FAM110B: variants seen among roughly 807,000 people sequenced by gnomAD.
The protein encoded by FAM110B is protein FAM110B.
Under a neutral mutation model 20.4 loss-of-function variants are expected in FAM110B, and 6 were observed. The observed-to-expected ratio is 0.29, with a 90% CI of 0.16 to 0.58. The LOEUF (loss-of-function observed/expected upper bound fraction) is 0.58. Among genes scored for constraint, FAM110B ranks in the 20% least tolerant of loss-of-function variants. The pLI, the probability that FAM110B is intolerant of heterozygous loss-of-function variation, is 0.90. For synonymous variants in FAM110B, 226 were observed against 214.1 expected, an observed-to-expected ratio of 1.06 and a Z score of -0.49; for missense variants, 434 against 498.2, an observed-to-expected ratio of 0.87 and a Z score of 1.23.
chr8:58,017,893 CAGGACT>C (rs963797122), intron 1 of FAM110B, among the ~76,000 whole-genome samples: 37 of 152,180 alleles, frequency 2.4e-4, no homozygotes, highest in African/African-American at 7.5e-4. Flanking sequence ...TGAGATTCCC[CAGGACT>C]AGAGAAAAAC....
intron 3 of FAM110B, among the ~76,000 whole-genome samples, chr8:58,121,220 A>T (rs1807353619): frequency 6.6e-6 from 1 of 152,160 alleles, no homozygotes; most frequent in South Asian, 2.1e-4. Context: ...AGGCCCATTG[A>T]TCTCTGTTGT....
intron 3 of FAM110B, among the ~76,000 whole-genome samples, chr8:58,109,096 G>A (rs1464265487): frequency 1.3e-5 from 2 of 152,162 alleles, no homozygotes; most frequent in Non-Finnish European, 2.9e-5. Context: ...GTCGCACATT[G>A]TGTCAGTCTG....
At position 58,053,061 on chromosome 8, in the gene FAM110B, A is replaced by G. The variant is rs954390225; in HGVS notation, c.-414+21358A>G. 5.9e-5 allele frequency among the ~76,000 whole-genome samples: 9 copies of G among 151,658 alleles called. No individual in the cohort carries two copies. The East Asian group carries it at 1.6e-3, about 26-fold the overall frequency. On this transcript the variant is annotated intron_variant, in intron 2 of 3. Transcript: ENST00000519262. ...CGGCCTCCCAAAGTGCTGGGATTAC[A>G]GGCGTGAGCCACCGCGCCCGGCCGA... is the stretch of plus-strand genomic sequence containing the variant.
chr8:58,101,739 G>A (rs767077857), intron 3 of FAM110B, among the ~76,000 whole-genome samples: 21 of 151,976 alleles, frequency 1.4e-4, no homozygotes, highest in Non-Finnish European at 2.5e-4. Context: ...TAGTCATGGT[G>A]GATTGAGTCA....
At chr8:58,133,724 A>G (rs1585914491) in intron 3 of FAM110B, among the ~76,000 whole-genome samples, 1 of 152,068 alleles carries the variant, frequency 6.6e-6, no homozygotes, top group African/African-American at 2.4e-5. Context: ...GTGGTCACAG[A>G]CCCACATCCC....
At chr8:58,040,849 A>G (rs1805200397) in intron 2 of FAM110B, among the ~76,000 whole-genome samples, 2 of 151,690 alleles carry the variant, frequency 1.3e-5, no homozygotes, top group African/African-American at 4.8e-5. Flanking sequence ...TTGGCATACC[A>G]TGGTTTATAG....
chr8:58,081,168 G>A (rs1260109918), intron 3 of FAM110B, among the ~76,000 whole-genome samples: 1 of 152,088 alleles, frequency 6.6e-6, no homozygotes, highest in Non-Finnish European at 1.5e-5. Context: ...TCTAGTTTCT[G>A]CTCCCACACC....
At chr8:58,118,011 C>T (rs146793997) in intron 3 of FAM110B, among the ~76,000 whole-genome samples, 2 of 152,174 alleles carry the variant, frequency 1.3e-5, no homozygotes, top group South Asian at 2.1e-4. Flanking sequence ...CAGAAAATAT[C>T]GGAAAGATTC....
chr8:58,145,328 T>C (rs569964123), intron 3 of FAM110B, among the ~76,000 whole-genome samples: 18 of 152,262 alleles, frequency 1.2e-4, no homozygotes, highest in Admixed American at 1.1e-3. Flanking sequence ...TTTTTTTTTT[T>C]TTTAAACTTT....
At chr8:58,052,666 G>A (rs72505460) in intron 2 of FAM110B, among the ~76,000 whole-genome samples, 2 of 152,064 alleles carry the variant, frequency 1.3e-5, no homozygotes, top group East Asian at 3.9e-4. Context: ...ATATTGCAGG[G>A]GTGGGATAGG....
intron 3 of FAM110B, among the ~76,000 whole-genome samples, chr8:58,111,095 GA>G (rs1469589974): frequency 6.6e-6 from 1 of 152,108 alleles, no homozygotes; most frequent in African/African-American, 2.4e-5. Flanking sequence ...AGAATAATAT[GA>G]ATGAATTAAT....
At chr8:58,102,583 G>T (rs1235795238) in intron 3 of FAM110B, among the ~76,000 whole-genome samples, 2 of 152,182 alleles carry the variant, frequency 1.3e-5, no homozygotes, top group Non-Finnish European at 2.9e-5. Flanking sequence ...TATTGCTTTT[G>T]TTGCGTAAAT....
chr8:58,015,853 A>G (rs910031673), intron 1 of FAM110B, among the ~76,000 whole-genome samples: 2 of 151,954 alleles, frequency 1.3e-5, no homozygotes, highest in African/African-American at 4.8e-5. Flanking sequence ...TCAAAAAAAA[A>G]AAAAAAAGAA....
chr8:58,058,550 GA>G (rs1805593810), intron 2 of FAM110B, among the ~76,000 whole-genome samples: 1 of 151,980 alleles, frequency 6.6e-6, no homozygotes, highest in East Asian at 1.9e-4. Context: ...ATATGAATAG[GA>G]AGAATTATTC....
intron 3 of FAM110B, among the ~76,000 whole-genome samples, chr8:58,112,057 G>T (rs953211521): frequency 1.3e-5 from 2 of 152,164 alleles, no homozygotes; most frequent in Non-Finnish European, 2.9e-5. Flanking sequence ...GGGCATTGTG[G>T]TTCATGCCTG....
At chr8:58,070,751 G>A (rs1053449263) in intron 2 of FAM110B, among the ~76,000 whole-genome samples, 8 of 152,126 alleles carry the variant, frequency 5.3e-5, no homozygotes, top group African/African-American at 1.4e-4. Context: ...AATAATGAGC[G>A]ATCAGGAAGA....
At chr8:58,060,172 A>G (rs551656619) in intron 2 of FAM110B, among the ~76,000 whole-genome samples, 2 of 152,306 alleles carry the variant, frequency 1.3e-5, no homozygotes, top group African/African-American at 4.8e-5. Context: ...GGAAGAGGAT[A>G]CTTTCTTATC....
At chr8:58,112,427 T>G (rs982761017) in intron 3 of FAM110B, among the ~76,000 whole-genome samples, 1 of 152,264 alleles carries the variant, frequency 6.6e-6, no homozygotes, top group East Asian at 1.9e-4. Flanking sequence ...TGAAAAATCA[T>G]GTACAGCCCC....
At chr8:58,016,883 A>G (rs1804648881) in intron 1 of FAM110B, among the ~76,000 whole-genome samples, 1 of 152,158 alleles carries the variant, frequency 6.6e-6, no homozygotes. Context: ...CCTGCCTTCT[A>G]AGAGAAGGTA....
Sources: allele counts gnomAD v4.1 joint callset (sites outside exome capture counted in the v4.1 genomes callset), GRCh38; gene constraint gnomAD v4.1.1; transcripts MANE v1.5; gene names NCBI Gene and HGNC (gene_info 2026-07-23, HGNC 2026-07-21).